Variants in SLC22A23 observed in about 807,000 individuals in gnomAD.
SLC22A23 encodes solute carrier family 22 member 23, also known as ion transporter protein.
Under a neutral mutation model 61.0 loss-of-function variants are expected in SLC22A23, and 26 were observed. The ratio of observed to expected loss-of-function variants is 0.43; its 90% CI spans 0.31 to 0.59. The LOEUF is 0.59. Ranked by LOEUF, SLC22A23 falls within the 20% of genes least tolerant of loss-of-function variation. The pLI is 0.11. For missense variants in SLC22A23, 796 were observed against 934.7 expected, an observed-to-expected ratio of 0.85 and a Z score of 1.94; for synonymous variants, 430 against 413.9, an observed-to-expected ratio of 1.04 and a Z score of -0.47.
In SLC22A23 at chr6:3,316,903, C is replaced by T. The variant is rs115458433; in HGVS notation, c.1082+6931G>A. Among the ~76,000 whole-genome samples, 1,093 of 152,250 alleles carry T rather than the reference C, an allele frequency of 7.2e-3. 13 individuals are homozygous for T. The highest frequency in any genetic ancestry group is 0.025 in the African/African-American group (1,056 of 41,538). On this transcript the variant is annotated intron_variant, in intron 4 of 9. Transcript: ENST00000406686. Reference sequence around the variant, plus strand: ...TCTTCCTGCCTCAGCCATGCGCCACCATGCCCAGCTGCAAATTTTGTGTTA... The same window carrying T: ...TCTTCCTGCCTCAGCCATGCGCCACTATGCCCAGCTGCAAATTTTGTGTTA...
intron 3 of SLC22A23, among the ~76,000 whole-genome samples, chr6:3,346,934 A>C (rs1490470659): frequency 6.6e-6 from 1 of 152,184 alleles, no homozygotes; most frequent in Non-Finnish European, 1.5e-5. Flanking sequence ...TTTTCACATT[A>C]AACAAAGATA....
intron 1 of SLC22A23, among the ~76,000 whole-genome samples, chr6:3,424,781 G>A (rs561945325): frequency 9.4e-4 from 143 of 152,292 alleles, no homozygotes; most frequent in African/African-American, 3.3e-3. Flanking sequence ...CATTTGCAGC[G>A]GATTCTGCAC....
intron 3 of SLC22A23, among the ~76,000 whole-genome samples, chr6:3,344,172 C>T (rs1764297502): frequency 6.6e-6 from 1 of 152,156 alleles, no homozygotes; most frequent in African/African-American, 2.4e-5. Context: ...GTTGCACTGG[C>T]CACACTTCAA....
chr6:3,404,494 T>C (rs1191751696), intron 3 of SLC22A23, among the ~76,000 whole-genome samples: 1 of 152,156 alleles, frequency 6.6e-6, no homozygotes, highest in Non-Finnish European at 1.5e-5. Flanking sequence ...GGCGAACATA[T>C]AGGTAGAGAT....
intron 4 of SLC22A23, among the ~76,000 whole-genome samples, chr6:3,306,253 C>A (rs1302324266): frequency 6.6e-6 from 1 of 152,158 alleles, no homozygotes; most frequent in Non-Finnish European, 1.5e-5. Context: ...GGGGTCCACC[C>A]CCGTGACCCA....
intron 1 of SLC22A23, among the ~76,000 whole-genome samples, chr6:3,449,007 A>G (rs1049924332): frequency 6.6e-6 from 1 of 152,232 alleles, no homozygotes; most frequent in African/African-American, 2.4e-5. Context: ...ACGGAGGTGG[A>G]AAGGCTGCTT....
chr6:3,371,992 G>A (rs1263504755), intron 3 of SLC22A23, among the ~76,000 whole-genome samples: 1 of 152,084 alleles, frequency 6.6e-6, no homozygotes, highest in Non-Finnish European at 1.5e-5. Flanking sequence ...ATACAATATG[G>A]TATCTTCTTT....
chr6:3,323,813 C>T (rs571517247), intron 4 of SLC22A23, 21 bp downstream of exon 4: 17 of 1,603,336 alleles, frequency 1.1e-5, no homozygotes, highest in East Asian at 2.2e-5. Flanking sequence ...CAGCCCAGGG[C>T]GCTGTGCAGA....
At chr6:3,284,446 C>A (rs1263193486) in intron 8 of SLC22A23, among the ~76,000 whole-genome samples, 2 of 152,204 alleles carry the variant, frequency 1.3e-5, no homozygotes, top group Admixed American at 6.5e-5. Context: ...TCAAAGCCCT[C>A]GTAAATGGCA....
intron 5 of SLC22A23, among the ~76,000 whole-genome samples, chr6:3,296,433 C>T (rs541444644): frequency 1.3e-3 from 200 of 152,312 alleles, no homozygotes; most frequent in East Asian, 2.5e-3. Context: ...CATCGGCAAA[C>T]GGGGCTAATT....
intron 1 of SLC22A23, among the ~76,000 whole-genome samples, chr6:3,450,682 A>G (rs1772121503): frequency 6.6e-6 from 1 of 152,260 alleles, no homozygotes; most frequent in Non-Finnish European, 1.5e-5. Context: ...AATGTTTCGG[A>G]AGAAATGGAC....
rs1362697212 is a variant in SLC22A23, at chr6:3,318,961, C to T, written c.1082+4873G>A. ...TCAAAGCATCTCTCGAATCAGCCCT[C>T]TGCAGGTGACACCCAGCCTTCCCCA... On this transcript the variant is annotated intron_variant, in intron 4 of 9. Transcript: ENST00000406686. This position sits in a 1 kb window ranked among gnomAD's most constrained non-coding sequence, Gnocchi z 4.3. Among the ~76,000 whole-genome samples, 1 of 152,224 alleles carries T rather than the reference C, an allele frequency of 6.6e-6. No homozygotes were observed. The highest frequency in any genetic ancestry group is 1.5e-5 in the Non-Finnish European group (1 of 68,046).
At chr6:3,383,311 A>G (rs1767070582) in intron 3 of SLC22A23, among the ~76,000 whole-genome samples, 1 of 152,228 alleles carries the variant, frequency 6.6e-6, no homozygotes, top group African/African-American at 2.4e-5. Flanking sequence ...AAGAAAAGGG[A>G]ACAAATAACA....
Position 3,360,892 on chromosome 6 carries a change from G to C in SLC22A23, c.914-36890C>G, listed in dbSNP as rs888626024. On this transcript the variant is annotated intron_variant, in intron 3 of 9. Coordinates refer to ENST00000406686, the MANE Select transcript of SLC22A23 (RefSeq NM_015482.2). The surrounding 1 kb of genome is among the most constrained non-coding windows in gnomAD (Gnocchi z 4.6). ...CCTCGGGCAAAGATGCTGGGGTGGG[G>C]AACAGGTGCAGCAGGAACAGAAGGT... Among the ~76,000 whole-genome samples the C allele has an allele frequency of 5.3e-5, 8 of 152,244 alleles. No homozygotes were observed. The highest frequency in any genetic ancestry group is 1.9e-4 in the African/African-American group (8 of 41,464).
In SLC22A23 at chr6:3,328,800, T is replaced by C. The variant is rs1483838812; in HGVS notation, c.914-4798A>G. Among the ~76,000 whole-genome samples the C allele has an allele frequency of 1.3e-5, 2 of 152,098 alleles. No individual in the cohort carries two copies. The highest frequency in any genetic ancestry group is 4.8e-5 in the African/African-American group (2 of 41,388). ...CTAAATATCTCCTGTTGTTTCCTCTTCTCTGGTTGAACTCTGAGGCGGAGG... is the reference window on the plus strand; with the variant it reads ...CTAAATATCTCCTGTTGTTTCCTCTCCTCTGGTTGAACTCTGAGGCGGAGG... On this transcript the variant is annotated intron_variant, in intron 3 of 9. Transcript: ENST00000406686. This position sits in a 1 kb window ranked among gnomAD's most constrained non-coding sequence, Gnocchi z 5.0.
intron 1 of SLC22A23, among the ~76,000 whole-genome samples, chr6:3,439,714 C>T (rs1771464845): frequency 6.6e-6 from 1 of 152,092 alleles, no homozygotes; most frequent in Non-Finnish European, 1.5e-5. Context: ...TGGCACCATG[C>T]AGGAAGTGTT....
rs1763453385 is a variant in SLC22A23, at chr6:3,329,303, CACA to C, written c.914-5304_914-5302del. On this transcript the variant is annotated intron_variant, in intron 3 of 9. Transcript: ENST00000406686. The surrounding 1 kb of genome is among the most constrained non-coding windows in gnomAD (Gnocchi z 4.8). ...TCCCATAATGCACAAATGAATAAAA[CACA>C]ACACTTATTCTTCCTTAAATACGTT... is the stretch of plus-strand genomic sequence containing the variant. 2.0e-5 allele frequency among the ~76,000 whole-genome samples: 3 copies of C among 152,008 alleles called. No homozygotes were observed. Among genetic ancestry groups the C allele is most frequent in the Non-Finnish European group, 4.4e-5 (3 of 67,986 alleles).
intron 3 of SLC22A23, among the ~76,000 whole-genome samples, chr6:3,408,321 T>G (rs1217749047): frequency 6.6e-6 from 1 of 152,224 alleles, no homozygotes; most frequent in Non-Finnish European, 1.5e-5. Context: ...AAACACATCT[T>G]CAACATAATA....
Position 3,271,413 on chromosome 6 carries a change from C to T in SLC22A23, c.*1642G>A, listed in dbSNP as rs922643554. 1.3e-5 allele frequency: 2 copies of T among 152,372 alleles called. No homozygotes were observed. The highest frequency in any genetic ancestry group is 4.8e-5 in the African/African-American group (2 of 41,440). 9.4% of individuals were successfully genotyped at this position (152,372 alleles called of 1,614,324 possible). ...CTCCAGGCCCTTACTGATGTGTGGA[C>T]CGCATGTGGAGGAGACATGAGTGGC... On this transcript the variant is annotated 3_prime_UTR_variant, in exon 10 of 10. Coordinates refer to ENST00000406686, the MANE Select transcript of SLC22A23 (RefSeq NM_015482.2).
Sources: allele counts gnomAD v4.1 joint callset (sites outside exome capture counted in the v4.1 genomes callset), GRCh38; gene constraint gnomAD v4.1.1; non-coding constraint Gnocchi (gnomAD v3.1); transcripts MANE v1.5; gene names NCBI Gene and HGNC (gene_info 2026-07-23, HGNC 2026-07-21).